The following ROBO1 variants were observed in gnomAD, a reference collection of about 807,000 sequenced individuals.
ROBO1 encodes the protein roundabout guidance receptor 1.
A neutral mutation model predicts 195.9 loss-of-function variants in ROBO1; 149 were observed. The observed-to-expected ratio is 0.76, with a 90% CI of 0.67 to 0.87. ROBO1 has a LOEUF of 0.87. Ranked by LOEUF, ROBO1 falls within the 40% of genes least tolerant of loss-of-function variation. The pLI is 0.00. For synonymous variants in ROBO1, 816 were observed against 733.2 expected (o/e 1.11, Z -1.82); for missense variants, 1,933 against 2,068.3 (o/e 0.93, Z 1.27).
chr3:79,022,592 C>G (rs574461376), intron 3 of ROBO1, among the ~76,000 whole-genome samples: 1 of 152,312 alleles, frequency 6.6e-6, no homozygotes, highest in East Asian at 1.9e-4. Flanking sequence ...GGAATGTACT[C>G]ACATCAGATC....
intron 2 of ROBO1, among the ~76,000 whole-genome samples, chr3:79,466,848 C>T (rs2107295120): frequency 6.6e-6 from 1 of 152,216 alleles, no homozygotes; most frequent in Admixed American, 6.5e-5. Context: ...AAATAGTGTT[C>T]TCTGTATTCT....
intron 2 of ROBO1, among the ~76,000 whole-genome samples, chr3:79,338,910 A>T (rs2034793729): frequency 6.6e-6 from 1 of 152,160 alleles, no homozygotes; most frequent in Non-Finnish European, 1.5e-5. Flanking sequence ...TCTCAACCGA[A>T]TATTAAAAAA....
At chr3:79,582,884 T>G (rs1210452819) in intron 2 of ROBO1, among the ~76,000 whole-genome samples, 1 of 152,056 alleles carries the variant, frequency 6.6e-6, no homozygotes, top group Non-Finnish European at 1.5e-5. Context: ...TACTCACCCC[T>G]TTTCAACCTT....
At chr3:79,736,460 A>T (rs1703392536) in intron 1 of ROBO1, among the ~76,000 whole-genome samples, 1 of 152,168 alleles carries the variant, frequency 6.6e-6, no homozygotes, top group African/African-American at 2.4e-5. Flanking sequence ...AGGAGAATTG[A>T]CTATGGTGGG....
chr3:79,021,365 TAGAG>T (rs1038357067), intron 3 of ROBO1, among the ~76,000 whole-genome samples: 4 of 152,188 alleles, frequency 2.6e-5, no homozygotes, highest in East Asian at 1.9e-4. Flanking sequence ...GAGAGCAAGA[TAGAG>T]AGAAAATTCA....
chr3:78,977,823 C>T (rs543775858), intron 3 of ROBO1, among the ~76,000 whole-genome samples: 1 of 152,186 alleles, frequency 6.6e-6, no homozygotes, highest in South Asian at 2.1e-4. Flanking sequence ...CTTACTGAAA[C>T]TCTCACCAGT....
intron 2 of ROBO1, among the ~76,000 whole-genome samples, chr3:79,293,593 G>A (rs1373519346): frequency 6.6e-6 from 1 of 152,010 alleles, no homozygotes; most frequent in African/African-American, 2.4e-5. Flanking sequence ...TTTTCTTCAA[G>A]GAAAATTACA....
intron 2 of ROBO1, among the ~76,000 whole-genome samples, chr3:79,532,565 G>A (rs754576422): frequency 3.3e-5 from 5 of 152,072 alleles, no homozygotes; most frequent in Non-Finnish European, 7.4e-5. Flanking sequence ...TCAAACTATA[G>A]AACTGGTACA....
At chr3:79,107,218 T>C (rs528437607) in intron 3 of ROBO1, among the ~76,000 whole-genome samples, 2 of 149,938 alleles carry the variant, frequency 1.3e-5, no homozygotes, top group African/African-American at 4.9e-5. Flanking sequence ...AAGAAAAAAA[T>C]TCATAAGCAT....
intron 2 of ROBO1, among the ~76,000 whole-genome samples, chr3:79,277,990 A>G (rs936465479): frequency 1.2e-4 from 18 of 152,090 alleles, no homozygotes; most frequent in Non-Finnish European, 1.5e-5. Flanking sequence ...TATAAAATTA[A>G]TAATCAAAAA....
chr3:78,670,987 T>C (rs1056074905), intron 10 of ROBO1, among the ~76,000 whole-genome samples: 1 of 152,210 alleles, frequency 6.6e-6, no homozygotes, highest in African/African-American at 2.4e-5. Context: ...GTCAAAATGA[T>C]GTTCTAACTT....
rs550633275 is a variant in ROBO1 at position 78,995,369 on chromosome 3, A to T, written c.173-56442T>A. ...GTGGTTAATGACGCCAGCAAGCATG[A>T]TGAACCTGGAACCGAGCAACACAGA... On this transcript the variant is annotated intron_variant, in intron 3 of 30. Coordinates refer to ENST00000464233, the MANE Select transcript of ROBO1 (RefSeq NM_002941.4). 7.9e-5 allele frequency among the ~76,000 whole-genome samples: 12 copies of T among 152,162 alleles called. No homozygotes were observed. The South Asian group carries it at 2.5e-3, about 32-fold the overall frequency.
At chr3:78,619,696 T>C (rs891976582) in intron 26 of ROBO1, among the ~76,000 whole-genome samples, 1 of 151,992 alleles carries the variant, frequency 6.6e-6, no homozygotes, top group Non-Finnish European at 1.5e-5. Flanking sequence ...GCAAAGGATG[T>C]CTGGGAATGC....
intron 2 of ROBO1, among the ~76,000 whole-genome samples, chr3:79,500,234 A>T (rs1478416571): frequency 1.4e-5 from 2 of 142,894 alleles, no homozygotes; most frequent in African/African-American, 5.2e-5. Context: ...GGTTCAAGCG[A>T]TTCTCCTGTC....
At chr3:78,681,684 C>A (rs1469088794) in intron 10 of ROBO1, among the ~76,000 whole-genome samples, 1 of 152,080 alleles carries the variant, frequency 6.6e-6, no homozygotes, top group African/African-American at 2.4e-5. Flanking sequence ...GCGGGTGGAT[C>A]ACGAGGTCAG....
chr3:79,754,342 G>A (rs1257248441), intron 1 of ROBO1, among the ~76,000 whole-genome samples: 1 of 152,146 alleles, frequency 6.6e-6, no homozygotes, highest in African/African-American at 2.4e-5. Context: ...CCTGAGGGTG[G>A]AAATCACTTG....
At chr3:79,400,506 T>TA (rs1213472282) in intron 2 of ROBO1, among the ~76,000 whole-genome samples, 6 of 152,116 alleles carry the variant, frequency 3.9e-5, no homozygotes, top group African/African-American at 1.2e-4. Flanking sequence ...GGCTTCAGTT[T>TA]AAAAACCTAA....
chr3:79,630,251 T>C, intron 1 of ROBO1, among the ~76,000 whole-genome samples: 1 of 152,034 alleles, frequency 6.6e-6, no homozygotes, highest in East Asian at 1.9e-4. Flanking sequence ...TACCAAATGC[T>C]AGGAAGCAAA....
At chr3:79,673,013 A>G (rs145915548) in intron 1 of ROBO1, among the ~76,000 whole-genome samples, 1 of 152,130 alleles carries the variant, frequency 6.6e-6, no homozygotes, top group Non-Finnish European at 1.5e-5. Flanking sequence ...ATGCTTCATT[A>G]CGAGGCTTCA....
Sources: allele counts gnomAD v4.1 joint callset (sites outside exome capture counted in the v4.1 genomes callset), GRCh38; gene constraint gnomAD v4.1.1; transcripts MANE v1.5; gene names NCBI Gene and HGNC (gene_info 2026-07-23, HGNC 2026-07-21).